MYO16: variants seen among roughly 807,000 people sequenced by gnomAD.
MYO16 encodes myosin XVI.
A neutral mutation model predicts 205.3 loss-of-function variants in MYO16; 94 were observed. The observed-to-expected ratio is 0.46, with a 90% CI of 0.39 to 0.54. The LOEUF is 0.54. Ranked by LOEUF, MYO16 falls within the 20% of genes least tolerant of loss-of-function variation. MYO16 has a pLI of 0.00. For synonymous variants in MYO16, 988 were observed against 954.0 expected (o/e 1.04, Z -0.66); for missense variants, 2,315 against 2,387.5 (o/e 0.97, Z 0.63).
intron 27 of MYO16, among the ~76,000 whole-genome samples, chr13:109,082,195 T>C (rs1006925137): frequency 4.6e-5 from 7 of 152,206 alleles, no homozygotes; most frequent in Admixed American, 4.6e-4. Flanking sequence ...ATTATCAGCA[T>C]ACCTAGTCTC....
chr13:109,195,905 GTTCA>G (rs1203409902), intron 34 of MYO16, among the ~76,000 whole-genome samples: 1 of 152,088 alleles, frequency 6.6e-6, no homozygotes, highest in Non-Finnish European at 1.5e-5. Context: ...TGTTTAATTG[GTTCA>G]TGCCCTAGAC....
chr13:108,548,543 G>A, the MYO16 span, among the ~76,000 whole-genome samples: 5 of 151,234 alleles, frequency 3.3e-5, no homozygotes, highest in African/African-American at 1.2e-4. Context: ...GGATGATGAT[G>A]ACAGTGATAG....
intron 21 of MYO16, among the ~76,000 whole-genome samples, chr13:109,001,537 A>G (rs979859200): frequency 6.6e-5 from 10 of 152,200 alleles, no homozygotes; most frequent in Admixed American, 6.5e-4. Context: ...GGCCTCTACA[A>G]TTATAGATTC....
chr13:108,876,185 T>A (rs1172234523), intron 12 of MYO16, among the ~76,000 whole-genome samples: 1 of 152,188 alleles, frequency 6.6e-6, no homozygotes, highest in East Asian at 1.9e-4. Context: ...TAATATTCAT[T>A]GCAACTTCTG....
chr13:108,802,276 A>T (rs66668021), intron 6 of MYO16, among the ~76,000 whole-genome samples: 10,399 of 152,022 alleles, frequency 0.068, 477 homozygotes, highest in East Asian at 0.23. Context: ...GGCAACCATC[A>T]TTCTTCTCTC....
chr13:108,519,737 T>A, the MYO16 span, among the ~76,000 whole-genome samples: 3 of 151,736 alleles, frequency 2.0e-5, no homozygotes, highest in Non-Finnish European at 2.9e-5. Context: ...TATCTAAGCA[T>A]TATGCAAAAA....
intron 22 of MYO16, among the ~76,000 whole-genome samples, chr13:109,015,819 A>AT (rs1280127106): frequency 6.6e-6 from 1 of 152,002 alleles, no homozygotes; most frequent in Non-Finnish European, 1.5e-5. Context: ...CCCCTTTATC[A>AT]TTTTTTATTG....
chr13:108,600,818 C>T (rs1160662501), intron 1 of MYO16, among the ~76,000 whole-genome samples: 1 of 152,142 alleles, frequency 6.6e-6, no homozygotes, highest in East Asian at 1.9e-4. Context: ...TGATAACGGT[C>T]TTGCCTTAAA....
chr13:109,066,845 G>C (rs928772100), intron 27 of MYO16, among the ~76,000 whole-genome samples: 4 of 152,134 alleles, frequency 2.6e-5, no homozygotes, highest in African/African-American at 9.7e-5. Context: ...CTCGCACTCA[G>C]CTTCTTTCTA....
chr13:108,881,967 GA>G (rs1879638904), intron 12 of MYO16, among the ~76,000 whole-genome samples: 1 of 152,142 alleles, frequency 6.6e-6, no homozygotes, highest in South Asian at 2.1e-4. Context: ...TACTCCTTGA[GA>G]AGAGCAACTC....
chr13:109,076,758 T>G (rs1264982047), intron 27 of MYO16, among the ~76,000 whole-genome samples: 4 of 152,076 alleles, frequency 2.6e-5, no homozygotes, highest in Non-Finnish European at 2.9e-5. Context: ...TGACGCCAGA[T>G]GTACATGCAG....
At chr13:108,543,644 G>GAAAAA in the MYO16 span, among the ~76,000 whole-genome samples, 1 of 77,488 alleles carries the variant, frequency 1.3e-5, no homozygotes. Flanking sequence ...TCCCTCTCAA[G>GAAAAA]AAAAAAAAAA....
In MYO16 at chr13:109,023,520, T is replaced by C. The variant is rs561054961; in HGVS notation, c.2796+3609T>C. ...TTATACAGATATAAATATATATATT[T>C]ATAATTATATATACAATATATAGGT... is the stretch of plus-strand genomic sequence containing the variant. On this transcript the variant is annotated intron_variant, in intron 23 of 34. Transcript: ENST00000457511. Among the ~76,000 whole-genome samples, 779 of 117,298 alleles carry C rather than the reference T, an allele frequency of 6.6e-3. 36 individuals carry two copies. Among genetic ancestry groups the C allele is most frequent in the African/African-American group, 0.025 (736 of 29,208 alleles). The allele number at this position is 117,298 out of a possible 152,430, so 77.0% of individuals were successfully genotyped here. A position where few individuals can be genotyped will look rare whatever the true frequency, so the allele number is the denominator to read the frequency against.
At chr13:108,926,973 C>T (rs9521101) in intron 16 of MYO16, among the ~76,000 whole-genome samples, 47,114 of 151,974 alleles carry the variant, frequency 0.31, 7,561 homozygotes, top group Middle Eastern at 0.39. Context: ...TCTAGAGTCC[C>T]GGTATGGGAA....
At chr13:108,661,395 T>C (rs1287022766) in intron 1 of MYO16, among the ~76,000 whole-genome samples, 1 of 152,076 alleles carries the variant, frequency 6.6e-6, no homozygotes, top group East Asian at 1.9e-4. Flanking sequence ...TTTCAGAATT[T>C]TCTTCTTCCT....
chr13:108,767,142 G>A (rs9583289), intron 4 of MYO16, among the ~76,000 whole-genome samples: 10,395 of 151,906 alleles, frequency 0.068, 622 homozygotes, highest in East Asian at 0.24. Context: ...TCTCTCTGTC[G>A]CCCAGGCTGG....
the MYO16 span, among the ~76,000 whole-genome samples, chr13:108,508,398 T>A: frequency 6.6e-6 from 1 of 152,222 alleles, no homozygotes; most frequent in Non-Finnish European, 1.5e-5. Context: ...TATGTGTAAT[T>A]TTCCAGAGAG....
intron 12 of MYO16, 73 bp from the exon 13 acceptor site, chr13:108,882,986 C>T: frequency 6.4e-7 from 1 of 1,561,864 alleles, no homozygotes; most frequent in Non-Finnish European, 8.7e-7. Context: ...ACAGAAGTCA[C>T]TCTCATTATG....
chr13:108,704,630 A>T (rs934794550), intron 2 of MYO16, among the ~76,000 whole-genome samples: 1 of 152,082 alleles, frequency 6.6e-6, no homozygotes, highest in Non-Finnish European at 1.5e-5. Flanking sequence ...CCTGTTATTA[A>T]TCTCCCCCAC....
Sources: allele counts gnomAD v4.1 joint callset (sites outside exome capture counted in the v4.1 genomes callset), GRCh38; gene constraint gnomAD v4.1.1; transcripts MANE v1.5; gene names NCBI Gene and HGNC (gene_info 2026-07-23, HGNC 2026-07-21).